The following TSHZ2 variants were observed in gnomAD, a reference collection of about 807,000 sequenced individuals.
TSHZ2 encodes the protein teashirt homolog 2.
TSHZ2 carries 21 observed loss-of-function variants against 74.4 expected under a neutral mutation model. That is an observed-to-expected ratio of 0.28 (90% CI 0.20 to 0.41). The LOEUF is 0.41. Among genes scored for constraint, TSHZ2 ranks in the 10% least tolerant of loss-of-function variants. TSHZ2 has a pLI of 1.00. For missense variants in TSHZ2, 1,244 were observed against 1,293.5 expected (o/e 0.96, Z 0.59); for synonymous variants, 540 against 515.3 (o/e 1.05, Z -0.65).
rs1367804609 is a variant in TSHZ2 at position 53,035,179 on chromosome 20, A to G, written c.40+61846A>G. Reference sequence around the variant, plus strand: ...TACAAGCCTGGAAGCCTCAAGTTGCATTTCTTATTCTCTGGTTGCTTCTCC... The same window carrying G: ...TACAAGCCTGGAAGCCTCAAGTTGCGTTTCTTATTCTCTGGTTGCTTCTCC... On this transcript the variant is annotated intron_variant, in intron 1 of 2. Transcript: ENST00000371497. Among the ~76,000 whole-genome samples the G allele has an allele frequency of 2.0e-5, 3 of 152,252 alleles. No individual in the cohort carries two copies. The East Asian group carries it at 5.8e-4, about 29-fold the overall frequency.
rs1274338102 is a variant in TSHZ2, at chr20:53,224,799, G to A, written c.41-28700G>A. Among the ~76,000 whole-genome samples the A allele has an allele frequency of 2.0e-5, 3 of 148,728 alleles. No homozygotes were observed. The Admixed American group carries it at 2.1e-4, about 10-fold the overall frequency. ...TGGGAGGTGGAGGTTGCAGTGAGAG[G>A]AGATCATGCCACAGCACTCCAGCCT... On this transcript the variant is annotated intron_variant, in intron 1 of 2. Coordinates refer to ENST00000371497, the MANE Select transcript of TSHZ2 (RefSeq NM_173485.6).
At chr20:53,335,492 G>T (rs1158936852) in intron 2 of TSHZ2, among the ~76,000 whole-genome samples, 1 of 152,206 alleles carries the variant, frequency 6.6e-6, no homozygotes, top group Non-Finnish European at 1.5e-5. Context: ...TTTGCCCTCT[G>T]CCCCAGACTC....
At chr20:53,039,781 A>AAC (rs61356112) in intron 1 of TSHZ2, among the ~76,000 whole-genome samples, 414 of 149,682 alleles carry the variant, frequency 2.8e-3, no homozygotes, top group African/African-American at 7.9e-3. Context: ...CTCCATCTCA[A>AAC]ACACACACAC....
At chr20:53,420,079 C>G (rs925987425) in intron 2 of TSHZ2, among the ~76,000 whole-genome samples, 3 of 152,238 alleles carry the variant, frequency 2.0e-5, no homozygotes, top group African/African-American at 7.2e-5. Context: ...ATACAGAAGT[C>G]TACAGATGGA....
intron 1 of TSHZ2, among the ~76,000 whole-genome samples, chr20:52,983,987 G>C (rs531621809): frequency 4.6e-5 from 7 of 152,226 alleles, no homozygotes; most frequent in Non-Finnish European, 8.8e-5. Flanking sequence ...AATAGGCTAC[G>C]GGCTGTTTCC....
At chr20:53,352,664 C>T (rs1220039347) in intron 2 of TSHZ2, among the ~76,000 whole-genome samples, 2 of 151,724 alleles carry the variant, frequency 1.3e-5, no homozygotes, top group Admixed American at 6.6e-5. Context: ...ATCCCAGCTA[C>T]TCAAGAGGCT....
chr20:53,440,093 G>A (rs144356965), intron 2 of TSHZ2, among the ~76,000 whole-genome samples: 1 of 151,774 alleles, frequency 6.6e-6, no homozygotes, highest in African/African-American at 2.4e-5. Flanking sequence ...ACTGGGAACA[G>A]TTGGCCGTCC....
At chr20:53,219,147 C>T (rs975478983) in intron 1 of TSHZ2, among the ~76,000 whole-genome samples, 2 of 152,196 alleles carry the variant, frequency 1.3e-5, no homozygotes, top group African/African-American at 4.8e-5. Flanking sequence ...GCCAATTTCT[C>T]ATTTCTCCAT....
chr20:53,447,415 C>G (rs576384118), intron 2 of TSHZ2, among the ~76,000 whole-genome samples: 1 of 152,246 alleles, frequency 6.6e-6, no homozygotes, highest in East Asian at 1.9e-4. Flanking sequence ...AAGATAGTTG[C>G]AAAAAATCGC....
At chr20:53,472,800 G>A (rs995947732) in intron 2 of TSHZ2, among the ~76,000 whole-genome samples, 9 of 151,502 alleles carry the variant, frequency 5.9e-5, no homozygotes, top group South Asian at 2.1e-4. Flanking sequence ...GTGGGTGCGC[G>A]CACCGTGCGC....
intron 2 of TSHZ2, among the ~76,000 whole-genome samples, chr20:53,442,248 C>T (rs1231060991): frequency 1.3e-5 from 2 of 152,132 alleles, no homozygotes; most frequent in East Asian, 1.9e-4. Flanking sequence ...TCCCTGCAAC[C>T]GCCACTAATC....
intron 1 of TSHZ2, among the ~76,000 whole-genome samples, chr20:52,979,694 C>T (rs1457464677): frequency 6.6e-6 from 1 of 152,024 alleles, no homozygotes; most frequent in Non-Finnish European, 1.5e-5. Context: ...TTACGTTTCC[C>T]CTGTAGAAAA....
At chr20:53,486,142 CATATA>C (rs1359855179) in intron 2 of TSHZ2, among the ~76,000 whole-genome samples, 15 of 152,100 alleles carry the variant, frequency 9.9e-5, no homozygotes, top group African/African-American at 3.6e-4. Context: ...TAGGTATAAC[CATATA>C]ATATATTTCT....
chr20:53,271,437 ACT>A, intron 2 of TSHZ2, among the ~76,000 whole-genome samples: 1 of 152,310 alleles, frequency 6.6e-6, no homozygotes, highest in East Asian at 1.9e-4. Flanking sequence ...AACAAGAGCT[ACT>A]CTCATAATAA....
chr20:53,324,212 T>C (rs899467650), intron 2 of TSHZ2, among the ~76,000 whole-genome samples: 3 of 152,028 alleles, frequency 2.0e-5, no homozygotes, highest in African/African-American at 7.3e-5. Flanking sequence ...GATAGAGATA[T>C]ATGAGTGAGG....
intron 2 of TSHZ2, among the ~76,000 whole-genome samples, chr20:53,431,771 C>A (rs140354291): frequency 5.3e-5 from 8 of 152,196 alleles, no homozygotes; most frequent in African/African-American, 1.9e-4. Context: ...TCTTTCATAC[C>A]TATTTTAAGA....
At chr20:53,345,781 C>T (rs1980415038) in intron 2 of TSHZ2, among the ~76,000 whole-genome samples, 1 of 149,098 alleles carries the variant, frequency 6.7e-6, no homozygotes. Context: ...TCATTTCTCT[C>T]CCCTCCCCAC....
intron 1 of TSHZ2, among the ~76,000 whole-genome samples, chr20:53,032,732 C>T (rs1285924797): frequency 6.6e-6 from 1 of 150,766 alleles, no homozygotes; most frequent in Non-Finnish European, 1.5e-5. Flanking sequence ...AGTTACTTTT[C>T]CCCATGTCCT....
chr20:53,026,567 C>A (rs1057416442), intron 1 of TSHZ2, among the ~76,000 whole-genome samples: 17 of 152,198 alleles, frequency 1.1e-4, no homozygotes, highest in Middle Eastern at 3.4e-3. Flanking sequence ...GCCAACAAAA[C>A]TTCTATAGCT....
Sources: gnomAD v4.1 joint callset for allele counts (sites outside exome capture counted in the v4.1 genomes callset) on GRCh38, gnomAD v4.1.1 for gene constraint, MANE v1.5 for transcripts, NCBI Gene and HGNC (gene_info 2026-07-23, HGNC 2026-07-21) for gene names.